Variants in OTUD7A observed in about 807,000 individuals in gnomAD.
OTUD7A encodes OTU deubiquitinase 7A, also known as OTU domain-containing protein 7A.
OTUD7A carries 12 observed loss-of-function variants against 65.7 expected under a neutral mutation model. The ratio of observed to expected loss-of-function variants is 0.18; its 90% CI spans 0.12 to 0.30. The LOEUF (loss-of-function observed/expected upper bound fraction) is 0.30. Among genes scored for constraint, OTUD7A ranks in the 10% least tolerant of loss-of-function variants. The probability of loss-of-function intolerance (pLI) is 1.00; values close to 1 mark genes in which losing one functional copy is unlikely to be tolerated. For missense variants in OTUD7A, 1,148 were observed against 1,304.8 expected (o/e 0.88, Z 1.85); for synonymous variants, 641 against 586.3 (o/e 1.09, Z -1.35).
chr15:31,799,668 C>T (rs1896067616), intron 1 of OTUD7A, among the ~76,000 whole-genome samples: 1 of 152,224 alleles, frequency 6.6e-6, no homozygotes, highest in Non-Finnish European at 1.5e-5. Context: ...GACTTCCCAG[C>T]TTCCAGAACT....
At chr15:31,490,090 G>T (rs752233332) in intron 10 of OTUD7A, among the ~76,000 whole-genome samples, 1 of 152,260 alleles carries the variant, frequency 6.6e-6, no homozygotes, top group South Asian at 2.1e-4. Flanking sequence ...TTCCGGCCAG[G>T]AGGCCATGAA....
intron 5 of OTUD7A, among the ~76,000 whole-genome samples, chr15:31,538,004 G>C (rs12902788): frequency 0.039 from 5,949 of 152,244 alleles, 238 homozygotes; most frequent in African/African-American, 0.097. Context: ...AAGCCTCCTT[G>C]CCTGCCCCAT....
intron 6 of OTUD7A, among the ~76,000 whole-genome samples, chr15:31,530,432 A>C (rs1408623726): frequency 2.0e-5 from 3 of 152,144 alleles, no homozygotes; most frequent in Non-Finnish European, 4.4e-5. Flanking sequence ...GTACCAGGCG[A>C]CGGTCTCTAA....
In OTUD7A at chr15:31,788,428, T is replaced by C. The variant is rs146754487; in HGVS notation, c.-100+82079A>G. On this transcript the variant is annotated intron_variant, in intron 1 of 12. Coordinates refer to ENST00000307050, the MANE Select transcript of OTUD7A (RefSeq NM_001382637.1). ...TGTCTTCAGATGGATGGTCCTTTCC[T>C]CCTTCTCATCTCTTTTCTTGTTTTC... is the stretch of plus-strand genomic sequence containing the variant. 4.1e-4 allele frequency among the ~76,000 whole-genome samples: 62 copies of C among 152,350 alleles called. 2 individuals carry two copies. In the East Asian group the frequency reaches 0.011, roughly 26 times the overall value.
intron 1 of OTUD7A, chr15:31,766,394 C>G: frequency 6.3e-7 from 1 of 1,585,914 alleles, no homozygotes; most frequent in Admixed American, 1.7e-5. Flanking sequence ...CGATGGCAAC[C>G]CTCTCTAAAT....
chr15:31,867,873 C>T (rs1897919382), intron 1 of OTUD7A, among the ~76,000 whole-genome samples: 1 of 151,934 alleles, frequency 6.6e-6, no homozygotes, highest in East Asian at 1.9e-4. Context: ...CCTTAAGTTT[C>T]CATCTCTTGG....
chr15:31,774,521 T>C (rs984970280), intron 1 of OTUD7A, among the ~76,000 whole-genome samples: 1 of 152,346 alleles, frequency 6.6e-6, no homozygotes. Context: ...GGCTTGAACT[T>C]GCCACTCTGA....
chr15:31,580,142 A>C (rs558296674), intron 3 of OTUD7A, among the ~76,000 whole-genome samples: 2 of 152,318 alleles, frequency 1.3e-5, no homozygotes, highest in Admixed American at 1.3e-4. Context: ...TACTGGACAG[A>C]AAGTTGCGTC....
chr15:31,853,524 A>G (rs186809773), intron 1 of OTUD7A, among the ~76,000 whole-genome samples: 1 of 152,354 alleles, frequency 6.6e-6, no homozygotes, highest in Admixed American at 6.5e-5. Flanking sequence ...GGGGAGGCAC[A>G]TGGGCCCCGC....
At chr15:31,870,461 C>G in intron 1 of OTUD7A, 46 bp downstream of exon 1, 1 of 147,610 alleles carries the variant, frequency 6.8e-6, no homozygotes, top group South Asian at 1.8e-4. Flanking sequence ...GTCCGCGGGC[C>G]CGGCCCCGCC....
At chr15:31,506,601 GGCACAGC>G in intron 8 of OTUD7A, among the ~76,000 whole-genome samples, 2 of 152,148 alleles carry the variant, frequency 1.3e-5, no homozygotes, top group Admixed American at 1.3e-4. Context: ...TCAAATATTT[GGCACAGC>G]GTTTAGTAAA....
intron 1 of OTUD7A, among the ~76,000 whole-genome samples, chr15:31,817,865 C>T (rs537228399): frequency 6.6e-6 from 1 of 152,326 alleles, no homozygotes; most frequent in South Asian, 2.1e-4. Context: ...TTCCAACATT[C>T]GTAGATAGAA....
intron 3 of OTUD7A, among the ~76,000 whole-genome samples, chr15:31,576,243 T>C (rs2141178746): frequency 6.6e-6 from 1 of 152,270 alleles, no homozygotes; most frequent in South Asian, 2.1e-4. Context: ...CAATGTAAAT[T>C]GATAGCTTAT....
intron 1 of OTUD7A, among the ~76,000 whole-genome samples, chr15:31,866,967 T>C (rs1897891977): frequency 6.6e-6 from 1 of 152,198 alleles, no homozygotes; most frequent in Admixed American, 6.5e-5. Flanking sequence ...ACTTCTTTCC[T>C]TTTAAAGTGT....
chr15:31,765,606 C>G, intron 1 of OTUD7A: 1 of 558,340 alleles, frequency 1.8e-6, no homozygotes, highest in Non-Finnish European at 3.1e-6. Context: ...TGATAAACAT[C>G]TATTTTGGCA....
At chr15:31,637,469 A>T (rs1214673598) in intron 3 of OTUD7A, among the ~76,000 whole-genome samples, 1 of 152,254 alleles carries the variant, frequency 6.6e-6, no homozygotes, top group Non-Finnish European at 1.5e-5. Flanking sequence ...GAAGATGTAC[A>T]AGATCAATGT....
rs1054707911 is a variant in OTUD7A at position 31,505,841 on chromosome 15, C to T, written c.894-2023G>A. On this transcript the variant is annotated intron_variant, in intron 8 of 12. Coordinates refer to ENST00000307050, the MANE Select transcript of OTUD7A (RefSeq NM_001382637.1). The stretch of plus-strand genomic sequence containing the variant: ...CTCGGCTCACTGCAAGCTCCACCTC[C>T]CGGGTTCACGCCATTCTCCTGCCTC... Among the ~76,000 whole-genome samples the T allele has an allele frequency of 4.0e-5, 6 of 151,752 alleles. No individual in the cohort carries two copies. The South Asian group carries it at 1.3e-3, about 32-fold the overall frequency.
At chr15:31,816,498 G>A (rs1363286298) in intron 1 of OTUD7A, among the ~76,000 whole-genome samples, 1 of 151,190 alleles carries the variant, frequency 6.6e-6, no homozygotes, top group East Asian at 2.0e-4. Context: ...AGACCATCCT[G>A]GCTAACACGG....
At chr15:31,699,966 C>T (rs1391935810) in intron 1 of OTUD7A, among the ~76,000 whole-genome samples, 1 of 151,822 alleles carries the variant, frequency 6.6e-6, no homozygotes, top group Non-Finnish European at 1.5e-5. Context: ...CTTCTTTCTT[C>T]ATCACTTACT....
Sources: allele counts gnomAD v4.1 joint callset (sites outside exome capture counted in the v4.1 genomes callset), GRCh38; gene constraint gnomAD v4.1.1; transcripts MANE v1.5; gene names NCBI Gene and HGNC (gene_info 2026-07-23, HGNC 2026-07-21).